Variants in RXFP1 observed in about 807,000 individuals in gnomAD.
RXFP1 encodes the protein relaxin receptor 1.
A neutral mutation model predicts 89.8 loss-of-function variants in RXFP1; 73 were observed. The ratio of observed to expected loss-of-function variants is 0.81; its 90% CI spans 0.67 to 0.99. The LOEUF is 0.99. Among genes scored for constraint, RXFP1 ranks in the 50% least tolerant of loss-of-function variants. RXFP1 has a pLI of 0.00. For synonymous variants in RXFP1, 277 were observed against 305.5 expected (o/e 0.91, Z 0.97); for missense variants, 793 against 895.5 (o/e 0.89, Z 1.46).
At chr4:158,649,329 A>T (rs562419699) in intron 17 of RXFP1, among the ~76,000 whole-genome samples, 1 of 152,272 alleles carries the variant, frequency 6.6e-6, no homozygotes, top group African/African-American at 2.4e-5. Flanking sequence ...AGGCCAAAAC[A>T]ATTCTTAAAT....
chr4:158,622,305 C>T (rs1765775895), intron 9 of RXFP1, among the ~76,000 whole-genome samples: 2 of 151,354 alleles, frequency 1.3e-5, no homozygotes, highest in African/African-American at 4.9e-5. Context: ...AGCAAGACTC[C>T]ATCTCAAATA....
chr4:158,616,252 T>C (rs1764539744), intron 8 of RXFP1, among the ~76,000 whole-genome samples: 1 of 151,590 alleles, frequency 6.6e-6, no homozygotes, highest in Non-Finnish European at 1.5e-5. Context: ...TGAAACCCCA[T>C]CTCCACTAAA....
At chr4:158,635,890 A>G (rs1769059936) in intron 12 of RXFP1, among the ~76,000 whole-genome samples, 3 of 151,520 alleles carry the variant, frequency 2.0e-5, no homozygotes, top group African/African-American at 4.8e-5. Context: ...GGGCCTCATT[A>G]TGTTGCCCAG....
Position 158,612,191 on chromosome 4 carries a change from C to G in RXFP1, c.598C>G (p.Leu200Val). The G allele has an allele frequency of 6.2e-7, 1 of 1,611,728 alleles. No individual in the cohort carries two copies. ...GGGTGTTTTTGAAGATCTTCACAGA[C>G]TAGAATGGCTGTATGTTTAATTTAT... is the stretch of plus-strand genomic sequence containing the variant. ...KPGVFEDLHR[L>V]EWLIIEDNHL... The change falls in exon 7 of 18, where the codon CTA becomes GTA. Residue 200 changes from leucine (L) to valine (V), a missense_variant. Physicochemically the swap from Leu to Val is conservative, Grantham distance 32. Coordinates refer to ENST00000307765, the MANE Select transcript of RXFP1 (RefSeq NM_021634.4).
chr4:158,527,724 G>A (rs1028557137), intron 1 of RXFP1, among the ~76,000 whole-genome samples: 20 of 151,530 alleles, frequency 1.3e-4, no homozygotes, highest in African/African-American at 4.6e-4. Flanking sequence ...ACTTAATGTT[G>A]CTCAAGTACT....
At chr4:158,601,010 T>C (rs1761573121) in intron 4 of RXFP1, among the ~76,000 whole-genome samples, 1 of 151,978 alleles carries the variant, frequency 6.6e-6, no homozygotes, top group Non-Finnish European at 1.5e-5. Flanking sequence ...AACCAACATT[T>C]GTAAAATAAA....
intron 9 of RXFP1, among the ~76,000 whole-genome samples, chr4:158,621,295 G>A (rs1342607094): frequency 6.6e-6 from 1 of 152,214 alleles, no homozygotes; most frequent in Non-Finnish European, 1.5e-5. Flanking sequence ...CTGGGCAACA[G>A]AGGGAGACTT....
intron 1 of RXFP1, among the ~76,000 whole-genome samples, chr4:158,569,420 C>T (rs749024499): frequency 2.0e-5 from 3 of 152,152 alleles, no homozygotes; most frequent in South Asian, 2.1e-4. Context: ...ATGTAAACTA[C>T]GGACTTTGAC....
chr4:158,560,322 C>A (rs1752173866), intron 1 of RXFP1, among the ~76,000 whole-genome samples: 1 of 152,152 alleles, frequency 6.6e-6, no homozygotes, highest in South Asian at 2.1e-4. Context: ...ACCACTCATC[C>A]CACCAAGCCT....
At chr4:158,601,757 C>T (rs1162712048) in intron 4 of RXFP1, among the ~76,000 whole-genome samples, 5 of 152,162 alleles carry the variant, frequency 3.3e-5, no homozygotes, top group African/African-American at 1.2e-4. Context: ...ATGTAAGTAT[C>T]AAAGAAGCTA....
intron 2 of RXFP1, among the ~76,000 whole-genome samples, chr4:158,587,095 C>T (rs2150047601): frequency 6.6e-6 from 1 of 152,276 alleles, no homozygotes; most frequent in African/African-American, 2.4e-5. Flanking sequence ...CACCTAATTT[C>T]CATCACTGAT....
At position 158,552,816 on chromosome 4, in the gene RXFP1, C is replaced by T. The variant is rs1027604488; in HGVS notation, c.50-19882C>T. Reference sequence around the variant, plus strand: ...ATCACCGTATTGTTCAATATGGGAACCCCAGTTTACAACTAGAGGTTAATG... The same window carrying T: ...ATCACCGTATTGTTCAATATGGGAATCCCAGTTTACAACTAGAGGTTAATG... On this transcript the variant is annotated intron_variant, in intron 1 of 17. Coordinates refer to ENST00000307765, the MANE Select transcript of RXFP1 (RefSeq NM_021634.4). Among the ~76,000 whole-genome samples the T allele has an allele frequency of 2.0e-5, 3 of 152,152 alleles. 1 individual carries two copies. The highest frequency in any genetic ancestry group is 2.0e-4 in the Admixed American group (3 of 15,280).
At chr4:158,567,037 T>TGGCC (rs1281376416) in intron 1 of RXFP1, among the ~76,000 whole-genome samples, 3 of 152,018 alleles carry the variant, frequency 2.0e-5, no homozygotes, top group South Asian at 2.1e-4. Flanking sequence ...GCACTCGGAG[T>TGGCC]GGCCGGCCGG....
intron 12 of RXFP1, among the ~76,000 whole-genome samples, chr4:158,636,705 A>T (rs1193549444): frequency 6.6e-6 from 1 of 152,226 alleles, no homozygotes; most frequent in East Asian, 1.9e-4. Flanking sequence ...GAATGCCTAA[A>T]TTGGGCTAAT....
intron 1 of RXFP1, among the ~76,000 whole-genome samples, chr4:158,550,188 G>A (rs1421427629): frequency 1.3e-5 from 2 of 152,242 alleles, no homozygotes; most frequent in Non-Finnish European, 2.9e-5. Context: ...CTGCCTTGCA[G>A]TTTGATCTCA....
At chr4:158,625,765 C>G (rs1328929493) in intron 9 of RXFP1, among the ~76,000 whole-genome samples, 1 of 152,066 alleles carries the variant, frequency 6.6e-6, no homozygotes, top group African/African-American at 2.4e-5. Context: ...AGCTGTATCA[C>G]ACTTCTGCTC....
In RXFP1 at chr4:158,648,557, T is replaced by C; in HGVS notation, c.1815T>C (p.Ser605=). 1.9e-6 allele frequency: 3 copies of C among 1,613,164 alleles called. No individual in the cohort carries two copies. The highest frequency in any genetic ancestry group is 2.5e-6 in the Non-Finnish European group (3 of 1,179,522). Residue 605 remains serine (S), a synonymous_variant, in exon 17 of 18, where the codon AGT becomes AGC. Coordinates refer to ENST00000307765, the MANE Select transcript of RXFP1 (RefSeq NM_021634.4). Reference sequence around the variant, plus strand: ...TTTCCTATGGAAGCATGTTTTATAGTGTTCATCAAAGTGCCATAACAGCAA... The same window carrying C: ...TTTCCTATGGAAGCATGTTTTATAGCGTTCATCAAAGTGCCATAACAGCAA... ...IVFSYGSMFY[S]VHQSAITATE...
chr4:158,568,308 T>C (rs2149979190), intron 1 of RXFP1, among the ~76,000 whole-genome samples: 1 of 152,348 alleles, frequency 6.6e-6, no homozygotes, highest in South Asian at 2.1e-4. Context: ...TGAGGAGCTA[T>C]ATCTGCCACT....
At chr4:158,548,917 A>G (rs6810787) in intron 1 of RXFP1, among the ~76,000 whole-genome samples, 2 of 151,412 alleles carry the variant, frequency 1.3e-5, no homozygotes, top group African/African-American at 4.9e-5. Flanking sequence ...GTGAATCTGA[A>G]AATTATGAGT....
Sources: gnomAD v4.1 joint callset for allele counts (sites outside exome capture counted in the v4.1 genomes callset) on GRCh38, gnomAD v4.1.1 for gene constraint, MANE v1.5 for transcripts, NCBI Gene and HGNC (gene_info 2026-07-23, HGNC 2026-07-21) for gene names.